GPHN: variants seen among roughly 807,000 people sequenced by gnomAD.
The protein encoded by GPHN is gephyrin.
A neutral mutation model predicts 95.5 loss-of-function variants in GPHN; 17 were observed. The observed-to-expected ratio is 0.18, with a 90% CI of 0.12 to 0.27. The LOEUF is 0.27. Ranked by LOEUF, GPHN falls within the 10% of genes least tolerant of loss-of-function variation. The pLI is 1.00. For synonymous variants in GPHN, 320 were observed against 322.5 expected (o/e 0.99, Z 0.08); for missense variants, 660 against 978.1 (o/e 0.67, Z 4.34).
the GPHN span, chr14:67,395,365 A>T: frequency 6.3e-7 from 1 of 1,585,508 alleles, no homozygotes; most frequent in Non-Finnish European, 8.6e-7. Context: ...CACAGGCAGG[A>T]GAGGCTGCCA....
At chr14:66,762,481 C>G (rs1475805064) in intron 2 of GPHN, among the ~76,000 whole-genome samples, 2 of 150,580 alleles carry the variant, frequency 1.3e-5, no homozygotes, top group African/African-American at 2.4e-5. Flanking sequence ...GAAGAACAAT[C>G]TTGTCTTTAT....
the GPHN span, among the ~76,000 whole-genome samples, chr14:67,430,816 C>T: frequency 6.6e-6 from 1 of 152,118 alleles, no homozygotes; most frequent in Admixed American, 6.6e-5. Flanking sequence ...GCTTAACGTC[C>T]CATTCTGATC....
At chr14:66,813,959 C>T (rs1595991389) in intron 3 of GPHN, among the ~76,000 whole-genome samples, 1 of 152,178 alleles carries the variant, frequency 6.6e-6, no homozygotes, top group African/African-American at 2.4e-5. Flanking sequence ...TATGGCCACG[C>T]ACCAGCCTGC....
In GPHN at chr14:66,989,655, G is replaced by GAA. The variant is rs34801654; in HGVS notation, c.963+24347_963+24348dup. Among the ~76,000 whole-genome samples the GAA allele has an allele frequency of 4.2e-3, 473 of 111,448 alleles. 2 individuals are homozygous for GAA. Among genetic ancestry groups the GAA allele is most frequent in the African/African-American group, 0.012 (419 of 35,604 alleles). 73.1% of individuals were successfully genotyped at this position (111,448 alleles called of 152,430 possible). A position where few individuals can be genotyped will look rare whatever the true frequency, so the allele number is the denominator to read the frequency against. On this transcript the variant is annotated intron_variant, in intron 9 of 22. Transcript: ENST00000478722. ...AGGATCCTGTTAACTGTCCAATATA[G>GAA]AAAAAAAAAAAAAAAAAACCTATCC...
chr14:67,376,345 T>C, the GPHN span: 2 of 1,231,438 alleles, frequency 1.6e-6, no homozygotes, highest in Non-Finnish European at 2.2e-6. Context: ...GTTAAGGAAT[T>C]ATTGTAGCCA....
At chr14:67,401,414 A>G in the GPHN span, among the ~76,000 whole-genome samples, 1 of 152,150 alleles carries the variant, frequency 6.6e-6, no homozygotes, top group Non-Finnish European at 1.5e-5. Flanking sequence ...TGGGAGGCTG[A>G]GGTGGGAGGA....
intron 5 of GPHN, among the ~76,000 whole-genome samples, chr14:66,907,327 G>T (rs1054889360): frequency 3.9e-5 from 6 of 152,088 alleles, no homozygotes; most frequent in African/African-American, 1.4e-4. Flanking sequence ...AGTGTGAAAA[G>T]AATACATATT....
the GPHN span, among the ~76,000 whole-genome samples, chr14:67,310,761 A>G: frequency 6.6e-6 from 1 of 152,200 alleles, no homozygotes; most frequent in East Asian, 1.9e-4. Context: ...AGAAGTTAAT[A>G]AAATATTCTT....
At chr14:66,985,529 C>T (rs909571177) in intron 9 of GPHN, among the ~76,000 whole-genome samples, 2 of 152,108 alleles carry the variant, frequency 1.3e-5, no homozygotes, top group African/African-American at 4.8e-5. Context: ...GCATGTCATA[C>T]AGCCTCTGGG....
At chr14:67,401,566 C>T in the GPHN span, among the ~76,000 whole-genome samples, 1 of 151,942 alleles carries the variant, frequency 6.6e-6, no homozygotes, top group Admixed American at 6.6e-5. Context: ...ACACACAGCT[C>T]ACACAGAGGA....
chr14:67,549,228 C>T, the GPHN span, among the ~76,000 whole-genome samples: 2 of 150,832 alleles, frequency 1.3e-5, no homozygotes, highest in Non-Finnish European at 3.0e-5. Flanking sequence ...GGCTTTTATT[C>T]TGTGGGGTGT....
At chr14:66,623,276 C>G (rs889262127) in intron 1 of GPHN, among the ~76,000 whole-genome samples, 1 of 152,106 alleles carries the variant, frequency 6.6e-6, no homozygotes, top group African/African-American at 2.4e-5. Context: ...GACCCACCCC[C>G]ATAATTCAAT....
intron 4 of GPHN, among the ~76,000 whole-genome samples, chr14:66,878,592 A>G (rs2063781108): frequency 6.6e-6 from 1 of 152,230 alleles, no homozygotes; most frequent in Non-Finnish European, 1.5e-5. Flanking sequence ...ACAGTTATGC[A>G]GCCAACAAAC....
the GPHN span, among the ~76,000 whole-genome samples, chr14:67,195,752 T>C: frequency 1.3e-5 from 2 of 151,754 alleles, no homozygotes; most frequent in Non-Finnish European, 2.9e-5. Context: ...TGTGTGTGTG[T>C]GTGTGTTTTG....
the GPHN span, among the ~76,000 whole-genome samples, chr14:67,429,008 G>C: frequency 6.6e-6 from 1 of 152,186 alleles, no homozygotes; most frequent in African/African-American, 2.4e-5. Context: ...CAGGATCACA[G>C]AGTTAGAAGG....
chr14:66,913,335 A>T (rs1346485386), intron 5 of GPHN, among the ~76,000 whole-genome samples: 1 of 150,446 alleles, frequency 6.6e-6, no homozygotes, highest in Admixed American at 6.6e-5. Flanking sequence ...CTTCTTTTTG[A>T]TTTTTGTTTT....
chr14:67,143,773 C>CT (rs1270394010), intron 18 of GPHN, among the ~76,000 whole-genome samples: 3 of 152,078 alleles, frequency 2.0e-5, no homozygotes, highest in East Asian at 3.9e-4. Context: ...GGGTAAAACT[C>CT]TAAGATCCTT....
At chr14:67,549,316 G>A in the GPHN span, among the ~76,000 whole-genome samples, 1 of 151,578 alleles carries the variant, frequency 6.6e-6, no homozygotes, top group Non-Finnish European at 1.5e-5. Context: ...TGTCACCTAG[G>A]CTGGAGTGCA....
chr14:66,843,924 T>C (rs113059245), intron 4 of GPHN, among the ~76,000 whole-genome samples: 1,915 of 152,062 alleles, frequency 0.013, 20 homozygotes, highest in Non-Finnish European at 0.018. Flanking sequence ...TTTTAATAAT[T>C]TTCCATATAC....
Sources: gnomAD v4.1 joint callset for allele counts (sites outside exome capture counted in the v4.1 genomes callset) on GRCh38, gnomAD v4.1.1 for gene constraint, MANE v1.5 for transcripts, NCBI Gene and HGNC (gene_info 2026-07-23, HGNC 2026-07-21) for gene names.